The following CFAP20DC variants were observed in gnomAD, a reference collection of about 807,000 sequenced individuals.
The protein encoded by CFAP20DC is CFAP20 domain containing.
A neutral mutation model predicts 101.7 loss-of-function variants in CFAP20DC; 84 were observed. That is an observed-to-expected ratio of 0.83 (90% CI 0.69 to 0.99). The LOEUF is 0.99. CFAP20DC is among the 50% of genes least tolerant of loss of function. The pLI is 0.00. For missense variants in CFAP20DC, 1,007 were observed against 970.3 expected (o/e 1.04, Z -0.50); for synonymous variants, 359 against 351.2 (o/e 1.02, Z -0.25).
At chr3:58,851,744 T>G (rs1323350870) in intron 12 of CFAP20DC, among the ~76,000 whole-genome samples, 2 of 151,158 alleles carry the variant, frequency 1.3e-5, no homozygotes, top group Non-Finnish European at 1.5e-5. Flanking sequence ...TATTACTAAC[T>G]GAAAAAAAAA....
chr3:58,901,511 G>T (rs568286514), intron 6 of CFAP20DC, among the ~76,000 whole-genome samples: 1 of 152,146 alleles, frequency 6.6e-6, no homozygotes, highest in South Asian at 2.1e-4. Flanking sequence ...AATTAAATGA[G>T]GTTTAAGTAA....
chr3:58,858,084 A>G (rs1195550931), intron 12 of CFAP20DC, among the ~76,000 whole-genome samples: 2 of 152,198 alleles, frequency 1.3e-5, no homozygotes, highest in Non-Finnish European at 2.9e-5. Flanking sequence ...CAGCAATTGA[A>G]TATAATTTGT....
intron 4 of CFAP20DC, among the ~76,000 whole-genome samples, chr3:58,979,289 A>C (rs970198842): frequency 2.0e-5 from 3 of 152,190 alleles, no homozygotes; most frequent in African/African-American, 7.2e-5. Flanking sequence ...CCCTCTTCTC[A>C]ATTTCCTCAC....
chr3:58,984,936 C>G (rs2092702748), intron 4 of CFAP20DC, among the ~76,000 whole-genome samples: 1 of 152,084 alleles, frequency 6.6e-6, no homozygotes, highest in African/African-American at 2.4e-5. Context: ...GACAGGATCT[C>G]TCTCCATCAC....
At chr3:58,927,209 A>C (rs1483803689) in intron 5 of CFAP20DC, among the ~76,000 whole-genome samples, 3 of 152,216 alleles carry the variant, frequency 2.0e-5, no homozygotes, top group Non-Finnish European at 4.4e-5. Context: ...GAAACATTTA[A>C]AGGCATTTGG....
In CFAP20DC at chr3:58,795,675, T is replaced by A. The variant is rs2107659989; in HGVS notation, c.2237+10720A>T. ...AAAGTAATAGCGAAAGCCAAGATTC[T>A]TCAGGTATCTGTCTTTTCAGACACA... On this transcript the variant is annotated intron_variant, in intron 15 of 16. Transcript: ENST00000482387. The surrounding 1 kb of genome is among the most constrained non-coding windows in gnomAD (Gnocchi z 4.2). Among the ~76,000 whole-genome samples the A allele has an allele frequency of 6.6e-6, 1 of 152,298 alleles. No individual in the cohort carries two copies.
chr3:58,890,176 A>AG (rs1359866521), intron 6 of CFAP20DC, among the ~76,000 whole-genome samples: 1 of 131,890 alleles, frequency 7.6e-6, no homozygotes, highest in Non-Finnish European at 1.6e-5. Flanking sequence ...CTGGCTGGGC[A>AG]GGGGGCTGAC....
At chr3:58,760,677 T>C (rs2107354468) in intron 15 of CFAP20DC, among the ~76,000 whole-genome samples, 1 of 152,340 alleles carries the variant, frequency 6.6e-6, no homozygotes, top group Non-Finnish European at 1.5e-5. Context: ...GGGATTGTCA[T>C]AAATAGCTCT....
At chr3:58,763,630 C>A (rs979806765) in intron 15 of CFAP20DC, among the ~76,000 whole-genome samples, 1 of 152,188 alleles carries the variant, frequency 6.6e-6, no homozygotes, top group Non-Finnish European at 1.5e-5. Context: ...TTTAGAGTTT[C>A]CAGTTTTTCT....
intron 6 of CFAP20DC, among the ~76,000 whole-genome samples, chr3:58,908,031 T>G (rs1370218976): frequency 6.6e-6 from 1 of 152,196 alleles, no homozygotes; most frequent in Non-Finnish European, 1.5e-5. Context: ...CCATTCATTT[T>G]TAATAAAATT....
chr3:59,049,939 C>T lies in CFAP20DC; in HGVS notation c.-308G>A, dbSNP rs187415305. 3.3e-4 allele frequency: 113 copies of T among 343,366 alleles called. 1 individual carries two copies. The highest frequency in any genetic ancestry group is 2.1e-3 in the African/African-American group (101 of 47,078). The allele number at this position is 343,366 out of a possible 1,614,324, so 21.3% of individuals were successfully genotyped here. A position where few individuals can be genotyped will look rare whatever the true frequency, so the allele number is the denominator to read the frequency against. ...GTGATTGTGTGTGTAACCTACGTGACGGGGCGCCCAGTCGCGGAGCCACAG... is the reference window on the plus strand; with the variant it reads ...GTGATTGTGTGTGTAACCTACGTGATGGGGCGCCCAGTCGCGGAGCCACAG... On this transcript the variant is annotated 5_prime_UTR_variant, in exon 1 of 17. Coordinates refer to ENST00000482387, the MANE Select transcript of CFAP20DC (RefSeq NM_001394063.1).
chr3:58,784,405 AC>A (rs1352999256), intron 15 of CFAP20DC, among the ~76,000 whole-genome samples: 1 of 152,080 alleles, frequency 6.6e-6, no homozygotes, highest in Non-Finnish European at 1.5e-5. Flanking sequence ...GGTTAAAAAA[AC>A]TATTGAGTTC....
In CFAP20DC at chr3:58,864,858, A is replaced by C. The variant is rs2079544772; in HGVS notation, c.1259-966T>G. Reference sequence around the variant, plus strand: ...CAAGAGACAATGTTTTGATATAAAAACCTTTTAGCACATTATTGTTTTCTT... The same window carrying C: ...CAAGAGACAATGTTTTGATATAAAACCCTTTTAGCACATTATTGTTTTCTT... On this transcript the variant is annotated intron_variant, in intron 11 of 16. Transcript: ENST00000482387. The surrounding 1 kb of genome is among the most constrained non-coding windows in gnomAD (Gnocchi z 4.7). Among the ~76,000 whole-genome samples, 1 of 152,156 alleles carries C rather than the reference A, an allele frequency of 6.6e-6. No individual in the cohort carries two copies. Among genetic ancestry groups the C allele is most frequent in the Admixed American group, 6.5e-5 (1 of 15,274 alleles).
intron 14 of CFAP20DC, among the ~76,000 whole-genome samples, chr3:58,811,728 T>G (rs2074654556): frequency 6.6e-6 from 1 of 151,988 alleles, no homozygotes; most frequent in East Asian, 1.9e-4. Context: ...ACTAAAGAGC[T>G]TCTGCATAGC....
chr3:58,817,343 A>C (rs1018398471), intron 14 of CFAP20DC, among the ~76,000 whole-genome samples: 1 of 152,124 alleles, frequency 6.6e-6, no homozygotes, highest in African/African-American at 2.4e-5. Flanking sequence ...AATTACTCTG[A>C]GCTATGGGAG....
intron 4 of CFAP20DC, among the ~76,000 whole-genome samples, chr3:59,033,583 G>A (rs1317186469): frequency 6.6e-6 from 1 of 151,950 alleles, no homozygotes; most frequent in African/African-American, 2.4e-5. Flanking sequence ...AATCATTCAA[G>A]CAAAAGAAAG....
At chr3:58,858,726 G>A (rs1342380084) in intron 12 of CFAP20DC, among the ~76,000 whole-genome samples, 2 of 152,238 alleles carry the variant, frequency 1.3e-5, no homozygotes, top group African/African-American at 4.8e-5. Flanking sequence ...ACTTTTGATG[G>A]TAGTTTTGAA....
intron 7 of CFAP20DC, among the ~76,000 whole-genome samples, chr3:58,879,374 AAG>A (rs1288436617): frequency 6.6e-6 from 1 of 152,180 alleles, no homozygotes; most frequent in Non-Finnish European, 1.5e-5. Flanking sequence ...AAGGGTGTGA[AAG>A]AGGATTAAAT....
intron 7 of CFAP20DC, among the ~76,000 whole-genome samples, chr3:58,872,659 G>A (rs1449994631): frequency 1.3e-5 from 2 of 152,186 alleles, no homozygotes; most frequent in Non-Finnish European, 2.9e-5. Context: ...TTAGGTAGGA[G>A]AGAAATTCCA....
Sources: allele counts gnomAD v4.1 joint callset (sites outside exome capture counted in the v4.1 genomes callset), GRCh38; gene constraint gnomAD v4.1.1; non-coding constraint Gnocchi (gnomAD v3.1); transcripts MANE v1.5; gene names NCBI Gene and HGNC (gene_info 2026-07-23, HGNC 2026-07-21).